USP47: variants seen among roughly 807,000 people sequenced by gnomAD.
USP47 encodes the protein ubiquitin carboxyl-terminal hydrolase 47.
Under a neutral mutation model 165.1 loss-of-function variants are expected in USP47, and 35 were observed. The ratio of observed to expected loss-of-function variants is 0.21; its 90% CI spans 0.16 to 0.28. The LOEUF (loss-of-function observed/expected upper bound fraction) is 0.28. Among genes scored for constraint, USP47 ranks in the 10% least tolerant of loss-of-function variants. USP47 has a pLI of 1.00. For missense variants in USP47, 1,277 were observed against 1,607.4 expected, an observed-to-expected ratio of 0.79 and a Z score of 3.52; for synonymous variants, 531 against 544.5, an observed-to-expected ratio of 0.98 and a Z score of 0.35.
chr11:11,945,154 C>T (rs997504301), intron 20 of USP47, among the ~76,000 whole-genome samples: 4 of 152,028 alleles, frequency 2.6e-5, no homozygotes, highest in Non-Finnish European at 5.9e-5. Flanking sequence ...AATGTGACCC[C>T]GGAAAATGTC....
At chr11:11,954,863 T>C in intron 25 of USP47, 34 bp from the exon 26 acceptor site, 2 of 1,605,236 alleles carry the variant, frequency 1.2e-6, no homozygotes, top group Non-Finnish European at 1.7e-6. Context: ...GTTAATTTTT[T>C]AAATGAACTC....
chr11:11,945,153 C>A (rs537704559), intron 20 of USP47, among the ~76,000 whole-genome samples: 2 of 152,100 alleles, frequency 1.3e-5, no homozygotes, highest in South Asian at 4.2e-4. Context: ...AAATGTGACC[C>A]CGGAAAATGT....
At chr11:11,896,454 C>G (rs1429274214) in intron 4 of USP47, among the ~76,000 whole-genome samples, 1 of 152,188 alleles carries the variant, frequency 6.6e-6, no homozygotes, top group African/African-American at 2.4e-5. Context: ...GAAGAAGATA[C>G]AGAACAATTG....
chr11:11,918,751 C>G (rs777603279), intron 8 of USP47, among the ~76,000 whole-genome samples: 2 of 151,866 alleles, frequency 1.3e-5, no homozygotes, highest in African/African-American at 2.4e-5. Flanking sequence ...ACACACACAC[C>G]AAAGTAGAAT....
At chr11:11,860,691 A>G (rs896795155) in intron 1 of USP47, among the ~76,000 whole-genome samples, 1 of 152,184 alleles carries the variant, frequency 6.6e-6, no homozygotes, top group Admixed American at 6.5e-5. Flanking sequence ...ACAACAGCCT[A>G]CTCACAGAGG....
chr11:11,940,013 A>G (rs1283131980), intron 18 of USP47, among the ~76,000 whole-genome samples: 2 of 152,042 alleles, frequency 1.3e-5, no homozygotes, highest in Non-Finnish European at 2.9e-5. Context: ...TTATTGCTTT[A>G]ATAAAAGTAT....
At chr11:11,844,438 T>G (rs1177007538) in intron 1 of USP47, among the ~76,000 whole-genome samples, 2 of 152,152 alleles carry the variant, frequency 1.3e-5, no homozygotes, top group Admixed American at 6.5e-5. Context: ...AGCATAATCA[T>G]CATCTAAGTT....
chr11:11,879,997 A>G (rs1002759822), intron 1 of USP47, among the ~76,000 whole-genome samples, 180 bp from the exon 2 acceptor site: 2 of 152,154 alleles, frequency 1.3e-5, no homozygotes, highest in African/African-American at 4.8e-5. Context: ...CGGTGCTTAT[A>G]TGTTTGACAT....
chr11:11,946,471 A>T (rs1855845429), intron 20 of USP47, among the ~76,000 whole-genome samples: 1 of 152,246 alleles, frequency 6.6e-6, no homozygotes, highest in Non-Finnish European at 1.5e-5. Flanking sequence ...TTTAGAAAAG[A>T]CTTTTACTAC....
intron 5 of USP47, among the ~76,000 whole-genome samples, chr11:11,901,593 A>G (rs926277378): frequency 9.9e-5 from 15 of 152,108 alleles, no homozygotes; most frequent in Non-Finnish European, 1.8e-4. Context: ...TCTTACCTGG[A>G]TTATTATTTT....
chr11:11,915,734 T>A (rs527863884), intron 8 of USP47, among the ~76,000 whole-genome samples: 9 of 152,190 alleles, frequency 5.9e-5, no homozygotes, highest in Non-Finnish European at 1.2e-4. Context: ...AGTTAAAAAG[T>A]AGTAATGTTA....
chr11:11,937,343 AACTT>A (rs1386164779), intron 17 of USP47, among the ~76,000 whole-genome samples: 1 of 151,902 alleles, frequency 6.6e-6, no homozygotes, highest in African/African-American at 2.4e-5. Context: ...CTAAAAGTTG[AACTT>A]ACAAAACTTT....
intron 11 of USP47, among the ~76,000 whole-genome samples, chr11:11,925,873 G>A (rs1028032286): frequency 2.0e-5 from 3 of 152,004 alleles, no homozygotes; most frequent in African/African-American, 4.8e-5. Flanking sequence ...TGGTAGCTGT[G>A]GGGTTTTCAT....
rs183743102 is a variant in USP47 at position 11,852,343 on chromosome 11, A to T, written c.39+10119A>T. Among the ~76,000 whole-genome samples the T allele has an allele frequency of 2.9e-3, 446 of 151,292 alleles. 2 individuals are homozygous for T. The highest frequency in any genetic ancestry group is 3.4e-3 in the Middle Eastern group (1 of 294). ...TATTTGTATCAGTATGGACTTATGGATATTTATTCTTTGGATTATAATCCA... is the reference window on the plus strand; with the variant it reads ...TATTTGTATCAGTATGGACTTATGGTTATTTATTCTTTGGATTATAATCCA... On this transcript the variant is annotated intron_variant, in intron 1 of 27. Transcript: ENST00000527733.
intron 12 of USP47, 62 bp from the exon 13 acceptor site, chr11:11,929,982 T>TA: frequency 7.8e-7 from 1 of 1,288,784 alleles, no homozygotes. Context: ...TTGAGTTACA[T>TA]ATTGACGTTA....
intron 1 of USP47, among the ~76,000 whole-genome samples, chr11:11,853,481 CT>C (rs1436986617): frequency 1.3e-5 from 2 of 152,168 alleles, no homozygotes; most frequent in African/African-American, 2.4e-5. Context: ...ATGATGTGAT[CT>C]TTCACATCGA....
At chr11:11,848,504 C>T (rs1848548754) in intron 1 of USP47, among the ~76,000 whole-genome samples, 1 of 151,926 alleles carries the variant, frequency 6.6e-6, no homozygotes, top group South Asian at 2.1e-4. Flanking sequence ...ACTATATTTA[C>T]AAAAACAGTA....
chr11:11,851,896 G>T (rs1014309896), intron 1 of USP47, among the ~76,000 whole-genome samples: 1 of 152,162 alleles, frequency 6.6e-6, no homozygotes, highest in Non-Finnish European at 1.5e-5. Context: ...CAGATGGGAT[G>T]TGTTCTTCTT....
chr11:11,882,811 C>T (rs1160103092), intron 2 of USP47, among the ~76,000 whole-genome samples: 2 of 152,114 alleles, frequency 1.3e-5, no homozygotes, highest in African/African-American at 2.4e-5. Flanking sequence ...ACAGGAACCT[C>T]GTATAAATTT....
Sources: gnomAD v4.1 joint callset for allele counts (sites outside exome capture counted in the v4.1 genomes callset) on GRCh38, gnomAD v4.1.1 for gene constraint, MANE v1.5 for transcripts, NCBI Gene and HGNC (gene_info 2026-07-23, HGNC 2026-07-21) for gene names.